SLC20A2: variants seen among roughly 807,000 people sequenced by gnomAD.
SLC20A2 encodes the protein sodium-dependent phosphate transporter 2.
Under a neutral mutation model 61.0 loss-of-function variants are expected in SLC20A2, and 30 were observed. The ratio of observed to expected loss-of-function variants is 0.49; its 90% CI spans 0.37 to 0.67. The LOEUF is 0.67. SLC20A2 is among the 30% of genes least tolerant of loss of function. The pLI is 0.00. For missense variants in SLC20A2, 626 were observed against 866.4 expected (o/e 0.72, Z 3.48); for synonymous variants, 351 against 353.3 (o/e 0.99, Z 0.07).
intron 1 of SLC20A2, among the ~76,000 whole-genome samples, chr8:42,477,985 A>C (rs1808260169): frequency 6.6e-6 from 1 of 151,696 alleles, no homozygotes; most frequent in African/African-American, 2.4e-5. Context: ...TCCTGGGTTC[A>C]AGCCATTCTC....
intron 1 of SLC20A2, among the ~76,000 whole-genome samples, chr8:42,497,632 G>T (rs910383824): frequency 6.6e-6 from 1 of 151,560 alleles, no homozygotes; most frequent in Non-Finnish European, 1.5e-5. Context: ...AGAGTCTCCC[G>T]GTCATTTGTT....
intron 8 of SLC20A2, among the ~76,000 whole-genome samples, chr8:42,434,044 C>T (rs1455050135): frequency 6.6e-6 from 1 of 152,070 alleles, no homozygotes; most frequent in Admixed American, 6.5e-5. Context: ...TGGTAGCCAT[C>T]CTAATAGGTG....
At chr8:42,425,736 T>A (rs759330579) in intron 10 of SLC20A2, among the ~76,000 whole-genome samples, 30 of 152,232 alleles carry the variant, frequency 2.0e-4, no homozygotes, top group Non-Finnish European at 3.1e-4. Context: ...ATACTACTCA[T>A]CACCAGCTCA....
chr8:42,455,257 T>TATATAGAGAGAGAG (rs1357416749), intron 5 of SLC20A2, among the ~76,000 whole-genome samples: 1 of 81,620 alleles, frequency 1.2e-5, no homozygotes, highest in African/African-American at 4.4e-5. Context: ...TATATATATA[T>TATATAGAGAGAGAG]AGAGAGAGAG....
At chr8:42,469,022 C>T (rs1195018938) in intron 2 of SLC20A2, among the ~76,000 whole-genome samples, 1 of 152,160 alleles carries the variant, frequency 6.6e-6, no homozygotes, top group Non-Finnish European at 1.5e-5. Context: ...TCTAACACAA[C>T]TCTGTCAGGA....
At chr8:42,537,690 T>C (rs889015609) in intron 1 of SLC20A2, 4 of 152,192 alleles carry the variant, frequency 2.6e-5, no homozygotes, top group Admixed American at 1.3e-4. Context: ...CTCTCCACCA[T>C]CTTTAGTCAT....
At chr8:42,497,813 C>T (rs922140175) in intron 1 of SLC20A2, among the ~76,000 whole-genome samples, 2 of 150,920 alleles carry the variant, frequency 1.3e-5, no homozygotes, top group Admixed American at 6.6e-5. Context: ...AGGTTGGGCA[C>T]GGGGGGAGGG....
At position 42,439,541 on chromosome 8, in the gene SLC20A2, A is replaced by G; in HGVS notation, c.843T>C (p.Asp281=). The change falls in exon 7 of 11, where the codon GAT becomes GAC. Residue 281 remains aspartate, a synonymous_variant. Coordinates refer to ENST00000520262, the MANE Select transcript of SLC20A2 (RefSeq NM_001257180.2). The part of the protein sequence containing the change: ...FKELPGAKAN[D]DSTIPLTGAA... ...CTCCCGTGAGCGGGATGGTGCTGTC[A>G]TCATTAGCCTTGGCACCTGGTAGCT... is the stretch of plus-strand genomic sequence containing the variant. 1.2e-6 allele frequency: 2 copies of G among 1,614,204 alleles called. No individual in the cohort carries two copies. Among genetic ancestry groups the G allele is most frequent in the Non-Finnish European group, 1.7e-6 (2 of 1,180,036 alleles).
intron 8 of SLC20A2, among the ~76,000 whole-genome samples, chr8:42,434,134 T>G (rs535182153): frequency 7.2e-5 from 11 of 152,256 alleles, no homozygotes; most frequent in African/African-American, 2.4e-4. Flanking sequence ...CTCACCAGGC[T>G]GGAGTGCAGT....
intron 1 of SLC20A2, among the ~76,000 whole-genome samples, chr8:42,538,679 A>G (rs1812866020): frequency 6.6e-6 from 1 of 152,236 alleles, no homozygotes; most frequent in South Asian, 2.1e-4. Context: ...CAGGGAGCTT[A>G]AAGGGCACTC....
intron 1 of SLC20A2, among the ~76,000 whole-genome samples, chr8:42,490,010 G>A (rs970165372): frequency 7.2e-5 from 11 of 152,116 alleles, no homozygotes; most frequent in African/African-American, 2.7e-4. Context: ...AAAATAACCA[G>A]GATTTGTTGT....
chr8:42,492,454 A>G (rs1375531907), intron 1 of SLC20A2, among the ~76,000 whole-genome samples: 1 of 152,228 alleles, frequency 6.6e-6, no homozygotes. Flanking sequence ...TACTCCTCTC[A>G]TATAATTGCA....
intron 1 of SLC20A2, among the ~76,000 whole-genome samples, chr8:42,506,977 A>G (rs34812259): frequency 3.3e-5 from 5 of 152,178 alleles, no homozygotes; most frequent in Non-Finnish European, 7.3e-5. Context: ...AGAAGGCCAC[A>G]TGGAGTGGGG....
intron 1 of SLC20A2, among the ~76,000 whole-genome samples, chr8:42,478,002 C>T (rs1168064935): frequency 6.6e-6 from 1 of 151,872 alleles, no homozygotes; most frequent in Non-Finnish European, 1.5e-5. Flanking sequence ...TCTCCTGCCT[C>T]AGCCTCCCGA....
At chr8:42,485,923 C>T (rs193163825) in intron 1 of SLC20A2, among the ~76,000 whole-genome samples, 6 of 144,592 alleles carry the variant, frequency 4.1e-5, no homozygotes, top group African/African-American at 1.3e-4. Flanking sequence ...TCCACCCTGG[C>T]GACAGAGCGA....
rs1427531047 is a variant in SLC20A2, at chr8:42,472,072, T to G, written c.289+30A>C. On this transcript the variant is annotated intron_variant, in intron 2 of 10. Coordinates refer to ENST00000520262, the MANE Select transcript of SLC20A2 (RefSeq NM_001257180.2). The surrounding 1 kb of genome is among the most constrained non-coding windows in gnomAD (Gnocchi z 4.1). ...AGGGAAGCGGGTCAGTGGGCGGATG[T>G]CCCATCGGTATAGAGAAGAGGCTAC... 16 of 1,600,846 alleles carry G rather than the reference T, an allele frequency of 1.0e-5. No individual in the cohort carries two copies. Among genetic ancestry groups the G allele is most frequent in the Non-Finnish European group, 1.2e-5 (14 of 1,170,688 alleles).
intron 1 of SLC20A2, among the ~76,000 whole-genome samples, chr8:42,539,435 C>A (rs1042109662): frequency 6.6e-6 from 1 of 152,174 alleles, no homozygotes; most frequent in Non-Finnish European, 1.5e-5. Context: ...AAAAAACTTA[C>A]TATTAATGCA....
Position 42,428,849 on chromosome 8 carries a change from G to A in SLC20A2, c.1710-7C>T, listed in dbSNP as rs766491459. 2.0e-5 allele frequency: 32 copies of A among 1,585,568 alleles called. No individual in the cohort carries two copies. In the South Asian group the frequency reaches 3.7e-4, roughly 18 times the overall value. ...CAGCTCGATCGTGAAGCCGCTGTGGGGGGAGCATGAGACACGTCACAGGTG... is the reference window on the plus strand; with the variant it reads ...CAGCTCGATCGTGAAGCCGCTGTGGAGGGAGCATGAGACACGTCACAGGTG... On this transcript the variant is annotated splice_polypyrimidine_tract_variant and splice_region_variant and intron_variant, in intron 9 of 10. Transcript: ENST00000520262.
intron 1 of SLC20A2, among the ~76,000 whole-genome samples, chr8:42,482,517 G>A (rs1250292995): frequency 6.6e-6 from 1 of 152,126 alleles, no homozygotes; most frequent in African/African-American, 2.4e-5. Context: ...ATCCCGTCAA[G>A]GTGGGCGGAT....
Sources: allele counts gnomAD v4.1 joint callset (sites outside exome capture counted in the v4.1 genomes callset), GRCh38; gene constraint gnomAD v4.1.1; non-coding constraint Gnocchi (gnomAD v3.1); transcripts MANE v1.5; gene names NCBI Gene and HGNC (gene_info 2026-07-23, HGNC 2026-07-21).